Variants in MND1 observed in about 807,000 individuals in gnomAD.
MND1 encodes the protein meiotic nuclear divisions 1, also known as meiotic nuclear division protein 1 homolog.
A neutral mutation model predicts 35.1 loss-of-function variants in MND1; 28 were observed. The ratio of observed to expected loss-of-function variants is 0.80; its 90% CI spans 0.59 to 1.09. The LOEUF is 1.09. MND1 is among the 50% of genes least tolerant of loss of function. The pLI, the probability that MND1 is intolerant of heterozygous loss-of-function variation, is 0.00. For missense variants in MND1, 213 were observed against 239.6 expected (o/e 0.89, Z 0.73); for synonymous variants, 69 against 70.5 (o/e 0.98, Z 0.11).
chr4:153,378,223 T>TA (rs1728565717), intron 4 of MND1, among the ~76,000 whole-genome samples: 1 of 152,196 alleles, frequency 6.6e-6, no homozygotes, highest in African/African-American at 2.4e-5. Flanking sequence ...AGTCTACACA[T>TA]ACAGCAGAAA....
chr4:153,413,019 A>T (rs540208365), intron 7 of MND1, among the ~76,000 whole-genome samples: 2 of 152,102 alleles, frequency 1.3e-5, no homozygotes, highest in African/African-American at 4.8e-5. Context: ...GTCGGCCAGG[A>T]TGGTCTCGAT....
chr4:153,399,169 G>C (rs1354225976), intron 6 of MND1, among the ~76,000 whole-genome samples: 1 of 151,944 alleles, frequency 6.6e-6, no homozygotes. Context: ...TGTGATTCTT[G>C]TACTTTTTCC....
At chr4:153,407,950 A>G (rs1352664755) in intron 6 of MND1, among the ~76,000 whole-genome samples, 1 of 152,202 alleles carries the variant, frequency 6.6e-6, no homozygotes, top group Non-Finnish European at 1.5e-5. Flanking sequence ...ATTAAATAGT[A>G]GTAATGGTTG....
chr4:153,344,837 G>T (rs1773032249), intron 1 of MND1, 97 bp downstream of exon 1: 1 of 1,519,280 alleles, frequency 6.6e-7, no homozygotes, highest in South Asian at 1.2e-5. Flanking sequence ...GGCGTTGACC[G>T]CCATTCCGGG....
chr4:153,379,325 G>GA lies in MND1; in HGVS notation c.277-14926dup, dbSNP rs375547555. On this transcript the variant is annotated intron_variant, in intron 4 of 7. Coordinates refer to ENST00000240488, the MANE Select transcript of MND1 (RefSeq NM_032117.4). Reference sequence around the variant, plus strand: ...AAAAAGAAGAAGAAGAAGAAGAAAAGAAAAAAAAAAAGAAACCACAAAAGC... The same window carrying GA: ...AAAAAGAAGAAGAAGAAGAAGAAAAGAAAAAAAAAAAAGAAACCACAAAAGC... Among the ~76,000 whole-genome samples the GA allele has an allele frequency of 8.3e-3, 1,102 of 132,092 alleles. 14 individuals are homozygous for GA. Among genetic ancestry groups the GA allele is most frequent in the African/African-American group, 0.028 (1,002 of 35,996 alleles). The allele number at this position is 132,092 out of a possible 152,430, so 86.7% of individuals were successfully genotyped here. A position where few individuals can be genotyped will look rare whatever the true frequency, so the allele number is the denominator to read the frequency against.
intron 2 of MND1, among the ~76,000 whole-genome samples, chr4:153,350,967 A>C (rs543497157): frequency 1.3e-5 from 2 of 151,492 alleles, no homozygotes; most frequent in East Asian, 1.9e-4. Flanking sequence ...AAAAAAAAAA[A>C]AACAAACAAA....
intron 1 of MND1, chr4:153,345,580 C>A: frequency 1.0e-6 from 1 of 969,602 alleles, no homozygotes; most frequent in Non-Finnish European, 1.2e-6. Context: ...AGTTTCATGC[C>A]GTTTTTTCTG....
chr4:153,358,968 C>T (rs543457636), intron 4 of MND1, among the ~76,000 whole-genome samples: 14 of 152,262 alleles, frequency 9.2e-5, no homozygotes, highest in African/African-American at 2.6e-4. Flanking sequence ...TCCCTCACCA[C>T]GCACACAATT....
chr4:153,346,806 C>G (rs752714461), intron 1 of MND1, among the ~76,000 whole-genome samples: 22 of 152,144 alleles, frequency 1.4e-4, no homozygotes, highest in Non-Finnish European at 2.9e-4. Flanking sequence ...TTGTGGAGTG[C>G]AAGGAGCTGT....
At chr4:153,369,511 A>G (rs953016712) in intron 4 of MND1, among the ~76,000 whole-genome samples, 2 of 152,262 alleles carry the variant, frequency 1.3e-5, no homozygotes, top group Non-Finnish European at 2.9e-5. Context: ...TTATATTTAT[A>G]CTATACTGTA....
chr4:153,392,473 G>C (rs1197577970), intron 4 of MND1, among the ~76,000 whole-genome samples: 1 of 151,934 alleles, frequency 6.6e-6, no homozygotes, highest in Non-Finnish European at 1.5e-5. Context: ...TATTTTCTAA[G>C]TGTTTATAAT....
At chr4:153,382,438 G>A (rs983222914) in intron 4 of MND1, among the ~76,000 whole-genome samples, 1 of 152,170 alleles carries the variant, frequency 6.6e-6, no homozygotes, top group African/African-American at 2.4e-5. Flanking sequence ...TATAGCCCAT[G>A]GAAGGGAAGG....
chr4:153,368,900 C>T (rs574173236), intron 4 of MND1, among the ~76,000 whole-genome samples: 39 of 152,240 alleles, frequency 2.6e-4, no homozygotes, highest in African/African-American at 7.0e-4. Flanking sequence ...TTAAGAAATA[C>T]CAAAACAGGG....
intron 4 of MND1, among the ~76,000 whole-genome samples, chr4:153,368,168 C>A (rs1442625957): frequency 6.6e-6 from 1 of 152,130 alleles, no homozygotes; most frequent in East Asian, 1.9e-4. Context: ...TCCCTGTCTT[C>A]ATGTTTTTTT....
rs903410620 is a variant in MND1, at chr4:153,385,731, A to AG, written c.277-8531_277-8530insG. ...ACCCTGTCTCAAAAAAAAAAAAAAA[A>AG]AAAGAAAAGAAAATGGTAGAGCATG... On this transcript the variant is annotated intron_variant, in intron 4 of 7. Transcript: ENST00000240488. Among the ~76,000 whole-genome samples, 7 of 148,646 alleles carry AG rather than the reference A, an allele frequency of 4.7e-5. 1 individual carries two copies. Among genetic ancestry groups the AG allele is most frequent in the Admixed American group, 2.7e-4 (4 of 15,028 alleles).
At chr4:153,351,427 A>G (rs931690134) in intron 2 of MND1, among the ~76,000 whole-genome samples, 2 of 152,152 alleles carry the variant, frequency 1.3e-5, no homozygotes, top group Non-Finnish European at 2.9e-5. Context: ...TCTTTTTTTC[A>G]TTATAGCCTA....
chr4:153,344,668 C>T, upstream of MND1: 4 of 1,400,220 alleles, frequency 2.9e-6, no homozygotes, highest in African/African-American at 1.5e-5. Context: ...CAAAATCAAA[C>T]GCGTCCTGGC....
At chr4:153,350,768 C>A (rs1422248088) in intron 2 of MND1, among the ~76,000 whole-genome samples, 2 of 152,102 alleles carry the variant, frequency 1.3e-5, no homozygotes, top group East Asian at 3.8e-4. Context: ...AGGTTAAAGG[C>A]CACATAAATC....
chr4:153,405,219 TC>T (rs1193568983), intron 6 of MND1, among the ~76,000 whole-genome samples: 4 of 152,036 alleles, frequency 2.6e-5, no homozygotes, highest in Admixed American at 2.6e-4. Flanking sequence ...GACTCAAATT[TC>T]CCAATTTCAA....
Sources: allele counts gnomAD v4.1 joint callset (sites outside exome capture counted in the v4.1 genomes callset), GRCh38; gene constraint gnomAD v4.1.1; transcripts MANE v1.5; gene names NCBI Gene and HGNC (gene_info 2026-07-23, HGNC 2026-07-21).